ATXN10: variants seen among roughly 807,000 people sequenced by gnomAD.
The protein encoded by ATXN10 is ataxin 10, also known as ataxin-10.
In ATXN10, 28 loss-of-function variants were observed where a neutral mutation model predicts 52.9. The ratio of observed to expected loss-of-function variants is 0.53; its 90% CI spans 0.39 to 0.73. ATXN10 has a LOEUF of 0.73. ATXN10 is among the 30% of genes least tolerant of loss of function. ATXN10 has a pLI of 0.00. For missense variants in ATXN10, 565 were observed against 577.0 expected, an observed-to-expected ratio of 0.98 and a Z score of 0.21; for synonymous variants, 226 against 221.5, an observed-to-expected ratio of 1.02 and a Z score of -0.18.
At chr22:45,758,568 A>T (rs2146826070) in intron 9 of ATXN10, among the ~76,000 whole-genome samples, 1 of 152,370 alleles carries the variant, frequency 6.6e-6, no homozygotes, top group Middle Eastern at 3.4e-3. Flanking sequence ...ATCCACAACC[A>T]TGGAAGTTCC....
In ATXN10 at chr22:45,729,479, C is replaced by T. The variant is rs765408301; in HGVS notation, c.783C>T (p.Thr261=). Residue 261 remains threonine (T), a synonymous_variant, in exon 7 of 12, where the codon ACC becomes ACT. Coordinates refer to ENST00000252934, the MANE Select transcript of ATXN10 (RefSeq NM_013236.4). ...AGATAACGAGTGATGAGCCACTCAC[C>T]AAGGATGACATCCCTGTGTTTTTGC... ...IAKITSDEPL[T]KDDIPVFLRH... 3.7e-6 allele frequency: 6 copies of T among 1,613,986 alleles called. No individual in the cohort carries two copies. The highest frequency in any genetic ancestry group is 5.1e-6 in the Non-Finnish European group (6 of 1,180,034).
In ATXN10 at chr22:45,844,060, C is replaced by G. The variant is rs1330776498; in HGVS notation, c.*389C>G. 1.5e-5 allele frequency: 3 copies of G among 203,566 alleles called. No individual in the cohort carries two copies. The highest frequency in any genetic ancestry group is 3.0e-5 in the Non-Finnish European group (3 of 100,806). 12.6% of individuals were successfully genotyped at this position (203,566 alleles called of 1,614,324 possible). A position where few individuals can be genotyped will look rare whatever the true frequency, so the allele number is the denominator to read the frequency against. On this transcript the variant is annotated 3_prime_UTR_variant, in exon 12 of 12. Coordinates refer to ENST00000252934, the MANE Select transcript of ATXN10 (RefSeq NM_013236.4). Reference sequence around the variant, plus strand: ...CAGCATCATTCTTTATATTCCTCTTCTCATTGGGTTTTCTGAACTCTGGCA... The same window carrying G: ...CAGCATCATTCTTTATATTCCTCTTGTCATTGGGTTTTCTGAACTCTGGCA...
chr22:45,675,071 G>C (rs1378552138), intron 1 of ATXN10: 5 of 152,206 alleles, frequency 3.3e-5, no homozygotes, highest in Non-Finnish European at 4.4e-5. Context: ...TATATGTGTA[G>C]CATAGTGGTT....
intron 2 of ATXN10, among the ~76,000 whole-genome samples, chr22:45,692,766 A>G (rs1249054226): frequency 6.6e-6 from 1 of 152,180 alleles, no homozygotes; most frequent in Non-Finnish European, 1.5e-5. Flanking sequence ...GTCATGGGAA[A>G]CTTCAGGAAG....
At chr22:45,686,386 G>A (rs112541532) in intron 1 of ATXN10, among the ~76,000 whole-genome samples, 180 of 152,260 alleles carry the variant, frequency 1.2e-3, no homozygotes, top group African/African-American at 4.3e-3. Flanking sequence ...GTCTAGCCGG[G>A]GAGATAGGTT....
Position 45,733,688 on chromosome 22 carries a change from G to A in ATXN10, c.894+4098G>A, listed in dbSNP as rs1408640628. Among the ~76,000 whole-genome samples the A allele has an allele frequency of 1.3e-5, 2 of 151,936 alleles. No homozygotes were observed. The highest frequency in any genetic ancestry group is 3.9e-4 in the East Asian group (2 of 5,184). On this transcript the variant is annotated intron_variant, in intron 7 of 11. Coordinates refer to ENST00000252934, the MANE Select transcript of ATXN10 (RefSeq NM_013236.4). This position sits in a 1 kb window ranked among gnomAD's most constrained non-coding sequence, Gnocchi z 4.4. ...AGAGAATCACGTGAACCCGGGAGGC[G>A]GAGGTTGCTGTGAACTGAGATTGTG...
chr22:45,705,169 G>C lies in ATXN10; in HGVS notation c.647+2322G>C, dbSNP rs185399174. Among the ~76,000 whole-genome samples, 94 of 152,120 alleles carry C rather than the reference G, an allele frequency of 6.2e-4. No homozygotes were observed. The East Asian group carries it at 9.1e-3, about 15-fold the overall frequency. ...TGTTGCTGGATTCGGTTCATATTTT[G>C]TTGGGGATTTTTGAATCTATATTCA... is the stretch of plus-strand genomic sequence containing the variant. On this transcript the variant is annotated intron_variant, in intron 5 of 11. Coordinates refer to ENST00000252934, the MANE Select transcript of ATXN10 (RefSeq NM_013236.4). The surrounding 1 kb of genome is among the most constrained non-coding windows in gnomAD (Gnocchi z 5.2).
chr22:45,704,267 C>T (rs1175904252), intron 5 of ATXN10, among the ~76,000 whole-genome samples: 2 of 150,318 alleles, frequency 1.3e-5, no homozygotes, highest in African/African-American at 4.9e-5. Flanking sequence ...TCCTGGGTCC[C>T]TTCTGTTTCC....
intron 5 of ATXN10, among the ~76,000 whole-genome samples, chr22:45,714,171 CCTT>C (rs1924357360): frequency 6.6e-6 from 1 of 152,064 alleles, no homozygotes; most frequent in African/African-American, 2.4e-5. Context: ...TGTAAACCGG[CCTT>C]CTTGCACAGT....
Position 45,762,099 on chromosome 22 carries a change from A to G in ATXN10, c.1173+21561A>G, listed in dbSNP as rs1003237956. Among the ~76,000 whole-genome samples, 5 of 152,216 alleles carry G rather than the reference A, an allele frequency of 3.3e-5. No individual in the cohort carries two copies. The highest frequency in any genetic ancestry group is 1.2e-4 in the African/African-American group (5 of 41,450). The stretch of plus-strand genomic sequence containing the variant: ...GTGAGCCAACCAACAAAAGTTACTC[A>G]TAAAAGATAGTATTTTACTTGTAAC... On this transcript the variant is annotated intron_variant, in intron 9 of 11. Transcript: ENST00000252934. This position sits in a 1 kb window ranked among gnomAD's most constrained non-coding sequence, Gnocchi z 4.3.
In ATXN10 at chr22:45,728,530, T is replaced by G. The variant is rs1246841850; in HGVS notation, c.729-895T>G. Reference sequence around the variant, plus strand: ...CAGTAAATAATTTAAATTTTTTTCTTGGTAAGAAATGTTCCATGCCTAATT... The same window carrying G: ...CAGTAAATAATTTAAATTTTTTTCTGGGTAAGAAATGTTCCATGCCTAATT... On this transcript the variant is annotated intron_variant, in intron 6 of 11. Transcript: ENST00000252934. This position sits in a 1 kb window ranked among gnomAD's most constrained non-coding sequence, Gnocchi z 4.3. Among the ~76,000 whole-genome samples the G allele has an allele frequency of 6.6e-6, 1 of 152,236 alleles. No homozygotes were observed. The highest frequency in any genetic ancestry group is 1.5e-5 in the Non-Finnish European group (1 of 68,042).
At chr22:45,726,603 C>T (rs531284460) in intron 6 of ATXN10, among the ~76,000 whole-genome samples, 1 of 152,214 alleles carries the variant, frequency 6.6e-6, no homozygotes, top group African/African-American at 2.4e-5. Context: ...TTTCAAAGAA[C>T]CAACTTTTAT....
intron 9 of ATXN10, among the ~76,000 whole-genome samples, chr22:45,745,557 T>C (rs187887839): frequency 6.6e-6 from 1 of 152,352 alleles, no homozygotes; most frequent in Non-Finnish European, 1.5e-5. Context: ...AGTAAGTCTG[T>C]ACTGTATGAA....
chr22:45,671,994 G>C lies in ATXN10; in HGVS notation c.-70G>C. On this transcript the variant is annotated 5_prime_UTR_variant, in exon 1 of 12. Transcript: ENST00000252934. ...CTCGCCATCCTACTCCTCCCTCCTC[G>C]TCATCCTCCCCCTTCGTCCTCCTCG... The C allele has an allele frequency of 6.7e-7, 1 of 1,499,964 alleles. No homozygotes were observed. Among genetic ancestry groups the C allele is most frequent in the South Asian group, 1.2e-5 (1 of 82,538 alleles). 92.9% of individuals were successfully genotyped at this position (1,499,964 alleles called of 1,614,324 possible). A position where few individuals can be genotyped will look rare whatever the true frequency, so the allele number is the denominator to read the frequency against.
At chr22:45,801,714 G>C in intron 9 of ATXN10, among the ~76,000 whole-genome samples, 1 of 152,154 alleles carries the variant, frequency 6.6e-6, no homozygotes, top group Non-Finnish European at 1.5e-5. Flanking sequence ...TTCAAACTTT[G>C]CTGAAGGACA....
intron 10 of ATXN10, among the ~76,000 whole-genome samples, chr22:45,808,862 G>C (rs1928189115): frequency 6.6e-6 from 1 of 152,174 alleles, no homozygotes. Flanking sequence ...TCTTTAGCTG[G>C]ATAACTGGCT....
rs1929422198 is a variant in ATXN10, at chr22:45,843,698, T to G, written c.*27T>G. 1 of 1,608,408 alleles carries G rather than the reference T, an allele frequency of 6.2e-7. No individual in the cohort carries two copies. Among genetic ancestry groups the G allele is most frequent in the African/African-American group, 1.3e-5 (1 of 74,814 alleles). On this transcript the variant is annotated 3_prime_UTR_variant, in exon 12 of 12. Transcript: ENST00000252934. This position sits in a 1 kb window ranked among gnomAD's most constrained non-coding sequence, Gnocchi z 4.5. ...TGAACTACATCCAAATACCTGAATT[T>G]TTGGAATCTGTTTCATGGATTTTTC...
chr22:45,740,038 A>G (rs1302342757), intron 8 of ATXN10, among the ~76,000 whole-genome samples: 2 of 152,242 alleles, frequency 1.3e-5, no homozygotes, highest in Non-Finnish European at 2.9e-5. Flanking sequence ...TTCATAAAGA[A>G]GTTGAGATTG....
intron 9 of ATXN10, among the ~76,000 whole-genome samples, chr22:45,764,451 C>A (rs991947056): frequency 6.6e-6 from 1 of 152,228 alleles, no homozygotes; most frequent in African/African-American, 2.4e-5. Flanking sequence ...AAAGACATCT[C>A]CCTTGCGTCT....
Sources: allele counts gnomAD v4.1 joint callset (sites outside exome capture counted in the v4.1 genomes callset), GRCh38; gene constraint gnomAD v4.1.1; non-coding constraint Gnocchi (gnomAD v3.1); transcripts MANE v1.5; gene names NCBI Gene and HGNC (gene_info 2026-07-23, HGNC 2026-07-21).